The following FCER1A variants were observed in gnomAD, a reference collection of about 807,000 sequenced individuals.
FCER1A encodes the protein high affinity immunoglobulin epsilon receptor subunit alpha.
A neutral mutation model predicts 23.6 loss-of-function variants in FCER1A; 24 were observed. That is an observed-to-expected ratio of 1.02 (90% confidence interval 0.74 to 1.43). The LOEUF (loss-of-function observed/expected upper bound fraction) is 1.43. Among genes scored for constraint, FCER1A ranks in the 40% most tolerant of loss-of-function variants. FCER1A has a pLI of 0.00. For synonymous variants in FCER1A, 121 were observed against 108.8 expected (o/e 1.11, Z -0.70); for missense variants, 318 against 294.5 (o/e 1.08, Z -0.58).
upstream of FCER1A, among the ~76,000 whole-genome samples, chr1:159,286,382 G>C (rs1192470073): frequency 6.6e-6 from 1 of 151,496 alleles, no homozygotes; most frequent in Non-Finnish European, 1.5e-5. Context: ...GCCCAGGCTG[G>C]AGTGCAGTGG....
intron 1 of FCER1A, 130 bp from the exon 2 acceptor site, chr1:159,302,723 TC>T: frequency 1.2e-6 from 1 of 851,464 alleles, no homozygotes. Flanking sequence ...TTCCCCTGAT[TC>T]TGATTCCTGA....
chr1:159,306,038 C>T lies in FCER1A; in HGVS notation c.382C>T (p.Leu128Phe), dbSNP rs1387764560. Residue 128 changes from leucine to phenylalanine, a missense_variant, in exon 4 of 5, where the codon CTC becomes TTC. Leu to Phe is a conservative substitution (Grantham distance 22). Coordinates refer to ENST00000693622, the MANE Select transcript of FCER1A (RefSeq NM_001387280.1). ...TGAGGTGGTGATGGAGGGCCAGCCC[C>T]TCTTCCTCAGGTGCCATGGTTGGAG... ...SAEVVMEGQPLFLRCHGWRNW... is the reference protein window; with the variant it reads ...SAEVVMEGQPFFLRCHGWRNW... The T allele has an allele frequency of 2.5e-6, 4 of 1,614,130 alleles. No individual in the cohort carries two copies. Among genetic ancestry groups the T allele is most frequent in the Admixed American group, 1.7e-5 (1 of 60,018 alleles).
rs1273239672 is a variant in FCER1A at position 159,303,989 on chromosome 1, T to C, written c.138T>C (p.Asn46=). ...GGAATAGAATATTTAAAGGAGAGAATGTGACTCTTACATGTAATGGGAACA... is the reference window on the plus strand; with the variant it reads ...GGAATAGAATATTTAAAGGAGAGAACGTGACTCTTACATGTAATGGGAACA... ...PPWNRIFKGE[N]VTLTCNGNNF... is the part of the protein sequence containing the mutation. The change falls in exon 3 of 5, where the codon AAT becomes AAC. Residue 46 remains asparagine, a synonymous_variant. Transcript: ENST00000693622. 2 of 1,612,800 alleles carry C rather than the reference T, an allele frequency of 1.2e-6. No individual in the cohort carries two copies. Among genetic ancestry groups the C allele is most frequent in the Non-Finnish European group, 1.7e-6 (2 of 1,178,798 alleles).
rs563157676 is a variant in FCER1A, at chr1:159,303,896, A to C, written c.77-32A>C. On this transcript the variant is annotated intron_variant, in intron 2 of 4. Transcript: ENST00000693622. ...GTTTTCAATGACTTTTTTTCTCTCT[A>C]CATGTCTTTTCATATTTTTATCTTC... The C allele has an allele frequency of 2.3e-4, 360 of 1,579,648 alleles. 1 individual carries two copies. Among genetic ancestry groups the C allele is most frequent in the Non-Finnish European group, 3.0e-4 (353 of 1,158,414 alleles).
upstream of FCER1A, among the ~76,000 whole-genome samples, chr1:159,297,699 C>T (rs2427826): frequency 0.79 from 120,289 of 152,070 alleles, 48,454 homozygotes; most frequent in African/African-American, 0.95. Context: ...TATGGCTAAA[C>T]TTTTATTTTT....
At chr1:159,295,278 T>C (rs561394075) in intron 1 of FCER1A, among the ~76,000 whole-genome samples, 1 of 152,104 alleles carries the variant, frequency 6.6e-6, no homozygotes, top group Non-Finnish European at 1.5e-5. Context: ...CCTTTTTTTG[T>C]CCACCTGTCT....
At chr1:159,298,902 T>C (rs1652360139), upstream of FCER1A, among the ~76,000 whole-genome samples, 2 of 152,236 alleles carry the variant, frequency 1.3e-5, no homozygotes, top group Admixed American at 1.3e-4. Flanking sequence ...ATGAGGACTA[T>C]GAATCCATGT....
rs772778349 is a variant in FCER1A at position 159,307,768 on chromosome 1, C to T, written c.610C>T (p.Leu204=). 4 of 1,610,472 alleles carry T rather than the reference C, an allele frequency of 2.5e-6. No homozygotes were observed. In the South Asian group the frequency reaches 4.4e-5, roughly 18 times the overall value. ...TACAGCTCCGCGTGAGAAGTACTGG[C>T]TACAATTTTTTATCCCATTGTTGGT... ...VIKAPREKYW[L]QFFIPLLVVI... is the part of the protein sequence containing the mutation. Residue 204 remains leucine (L), a synonymous_variant, in exon 5 of 5, where the codon CTA becomes TTA. Coordinates refer to ENST00000693622, the MANE Select transcript of FCER1A (RefSeq NM_001387280.1).
intron 3 of FCER1A, among the ~76,000 whole-genome samples, chr1:159,305,489 G>A (rs1254029688): frequency 5.3e-5 from 8 of 152,042 alleles, no homozygotes; most frequent in African/African-American, 1.9e-4. Context: ...AGAGCAGTAT[G>A]GGAAGAGGAC....
At chr1:159,301,379 G>A (rs1652425202), upstream of FCER1A, among the ~76,000 whole-genome samples, 1 of 152,136 alleles carries the variant, frequency 6.6e-6, no homozygotes, top group Non-Finnish European at 1.5e-5. Flanking sequence ...AGAAGAATTA[G>A]TAAAGGAATC....
the FCER1A span, among the ~76,000 whole-genome samples, chr1:159,284,408 A>T: frequency 6.6e-6 from 1 of 152,232 alleles, no homozygotes; most frequent in South Asian, 2.1e-4. Context: ...GGCTCAGCAC[A>T]TCCTTCTCCA....
chr1:159,286,340 A>AT (rs3051939), upstream of FCER1A, among the ~76,000 whole-genome samples: 156 of 149,230 alleles, frequency 1.0e-3, no homozygotes, highest in South Asian at 4.0e-3. Flanking sequence ...TGTCTAAATC[A>AT]TTTTTTTTTT....
upstream of FCER1A, among the ~76,000 whole-genome samples, chr1:159,297,872 C>T (rs1190573268): frequency 6.6e-6 from 1 of 151,960 alleles, no homozygotes; most frequent in African/African-American, 2.4e-5. Context: ...AAAACCCAGT[C>T]TCAAAAAAAA....
upstream of FCER1A, among the ~76,000 whole-genome samples, chr1:159,298,046 T>C (rs1652339776): frequency 6.6e-6 from 1 of 152,204 alleles, no homozygotes; most frequent in Non-Finnish European, 1.5e-5. Flanking sequence ...TTTGGGCTTC[T>C]TGGCTGAAAT....
At position 159,307,840 on chromosome 1, in the gene FCER1A, C is replaced by T; in HGVS notation, c.682C>T (p.Gln228Ter). The change falls in exon 5 of 5, where the codon CAG becomes TAG. Residue 228 changes from glutamine to a stop codon, truncating the protein, a stop_gained. Coordinates refer to ENST00000693622, the MANE Select transcript of FCER1A (RefSeq NM_001387280.1). LOFTEE classifies it low-confidence loss of function (END_TRUNC). ...VDTGLFISTQ[Q>*]QVTFLLKIKR... ...CACAGGATTATTTATCTCAACTCAGCAGCAGGTCACATTTCTCTTGAAGAT... is the reference window on the plus strand; with the variant it reads ...CACAGGATTATTTATCTCAACTCAGTAGCAGGTCACATTTCTCTTGAAGAT... 6.2e-7 allele frequency: 1 copy of T among 1,613,116 alleles called. No homozygotes were observed. Among genetic ancestry groups the T allele is most frequent in the Non-Finnish European group, 8.5e-7 (1 of 1,179,130 alleles).
At chr1:159,299,435 T>C (rs571825395), upstream of FCER1A, among the ~76,000 whole-genome samples, 1 of 152,210 alleles carries the variant, frequency 6.6e-6, no homozygotes, top group Non-Finnish European at 1.5e-5. Context: ...CAAAAGTTCC[T>C]GCCCAAAGCC....
upstream of FCER1A, among the ~76,000 whole-genome samples, chr1:159,287,034 A>G (rs1047621451): frequency 6.6e-6 from 1 of 152,214 alleles, no homozygotes; most frequent in Non-Finnish European, 1.5e-5. Context: ...AGAGAAAAGA[A>G]TGATGCACAA....
chr1:159,302,981 C>A, intron 2 of FCER1A, 107 bp downstream of exon 2: 2 of 1,111,848 alleles, frequency 1.8e-6, no homozygotes, highest in Non-Finnish European at 2.8e-6. Context: ...GAGCATGAAT[C>A]TGTTCCTTGG....
chr1:159,305,997 T>C lies in FCER1A; in HGVS notation c.341T>C (p.Leu114Pro), dbSNP rs548548553. 1 of 1,613,648 alleles carries C rather than the reference T, an allele frequency of 6.2e-7. No individual in the cohort carries two copies. Among genetic ancestry groups the C allele is most frequent in the Non-Finnish European group, 8.5e-7 (1 of 1,179,750 alleles). The part of the protein sequence containing the change: ...VYLEVFSDWL[L>P]LQASAEVVME... ...AATGAATGTTCTTCAGACTGGCTGC[T>C]CCTTCAGGCCTCTGCTGAGGTGGTG... Residue 114 changes from leucine (L) to proline (P), a missense_variant, in exon 4 of 5, where the codon CTC becomes CCC. Transcript: ENST00000693622.
Sources: allele counts gnomAD v4.1 joint callset (sites outside exome capture counted in the v4.1 genomes callset), GRCh38; gene constraint gnomAD v4.1.1; transcripts MANE v1.5; gene names NCBI Gene and HGNC (gene_info 2026-07-23, HGNC 2026-07-21).